KANK1: variants seen among roughly 807,000 people sequenced by gnomAD.
KANK1 encodes the protein KN motif and ankyrin repeat domains 1.
In KANK1, 109 loss-of-function variants were observed where a neutral mutation model predicts 106.2. That is an observed-to-expected ratio of 1.03 (90% CI 0.88 to 1.20). KANK1 has a LOEUF of 1.20. Ranked by LOEUF, KANK1 falls within the 50% of genes most tolerant of loss-of-function variation. KANK1 has a pLI of 0.00. For synonymous variants in KANK1, 873 were observed against 652.2 expected, an observed-to-expected ratio of 1.34 and a Z score of -5.16; for missense variants, 2,399 against 1,710.7, an observed-to-expected ratio of 1.40 and a Z score of -7.10.
intron 8 of KANK1, 91 bp from the exon 9 acceptor site, chr9:740,701 C>G: frequency 7.3e-7 from 1 of 1,374,962 alleles, no homozygotes; most frequent in Non-Finnish European, 1.0e-6. Context: ...TCACTGGGCT[C>G]CTGTAAACAC....
At chr9:551,119 A>G (rs913332519) in intron 1 of KANK1, among the ~76,000 whole-genome samples, 2 of 151,910 alleles carry the variant, frequency 1.3e-5, no homozygotes, top group African/African-American at 4.8e-5. Flanking sequence ...TTAATACAAC[A>G]TGTGTGGCTC....
chr9:585,841 A>C (rs962187202), intron 1 of KANK1, among the ~76,000 whole-genome samples: 9 of 152,210 alleles, frequency 5.9e-5, no homozygotes, highest in African/African-American at 2.2e-4. Context: ...ATCTGATTGA[A>C]TAGAAGACGT....
intron 1 of KANK1, among the ~76,000 whole-genome samples, chr9:631,929 T>C (rs1174962779): frequency 6.6e-6 from 1 of 152,198 alleles, no homozygotes; most frequent in Non-Finnish European, 1.5e-5. Flanking sequence ...TCTATAGCTC[T>C]CAGCTCACAC....
intron 1 of KANK1, among the ~76,000 whole-genome samples, chr9:613,881 A>G (rs956729194): frequency 6.6e-6 from 1 of 152,184 alleles, no homozygotes; most frequent in Non-Finnish European, 1.5e-5. Context: ...AGTACTAAAC[A>G]TGGGTAAAAG....
At chr9:737,478 G>C (rs893084944) in intron 7 of KANK1, among the ~76,000 whole-genome samples, 4 of 152,188 alleles carry the variant, frequency 2.6e-5, no homozygotes, top group African/African-American at 9.6e-5. Flanking sequence ...AGACACTGTA[G>C]TCATCCTCAT....
At chr9:741,550 C>T (rs933172139) in intron 9 of KANK1, among the ~76,000 whole-genome samples, 38 of 147,392 alleles carry the variant, frequency 2.6e-4, no homozygotes, top group Middle Eastern at 7.4e-3. Flanking sequence ...TGCAGTGGTG[C>T]GATCTTGGCT....
At chr9:741,097 C>A (rs542116878) in intron 9 of KANK1, among the ~76,000 whole-genome samples, 163 bp downstream of exon 9, 2 of 152,234 alleles carry the variant, frequency 1.3e-5, no homozygotes, top group African/African-American at 2.4e-5. Flanking sequence ...TCCTTGCTGA[C>A]CAAACATACC....
chr9:529,122 A>C (rs1277349519), intron 1 of KANK1, among the ~76,000 whole-genome samples: 1 of 151,042 alleles, frequency 6.6e-6, no homozygotes, highest in African/African-American at 2.4e-5. Context: ...TAAAAGATGT[A>C]AAAGGTGTAT....
At chr9:482,690 A>G (rs984782846) in intron 3 of KANK1, among the ~76,000 whole-genome samples, 5 of 152,230 alleles carry the variant, frequency 3.3e-5, no homozygotes, top group Admixed American at 6.5e-5. Context: ...TGCACCCTCA[A>G]TGGCACAGAA....
chr9:583,321 T>A (rs1822637083), intron 1 of KANK1, among the ~76,000 whole-genome samples: 1 of 152,212 alleles, frequency 6.6e-6, no homozygotes, highest in South Asian at 2.1e-4. Context: ...AGTAGGTTCA[T>A]CATAAGGACT....
At position 543,519 on chromosome 9, in the gene KANK1, A is replaced by G. The variant is rs376872415; in HGVS notation, c.-84+38765A>G. Among the ~76,000 whole-genome samples the G allele has an allele frequency of 5.3e-5, 8 of 150,796 alleles. No individual in the cohort carries two copies. The South Asian group carries it at 1.1e-3, about 20-fold the overall frequency. ...GGTTGCAGTGAATCAAGATCACACC[A>G]TTGCACTCCAGCCTGGGCAACAAGA... On this transcript the variant is annotated intron_variant, in intron 1 of 11. Transcript: ENST00000382297.
At chr9:562,122 G>C (rs567133208) in intron 1 of KANK1, among the ~76,000 whole-genome samples, 1 of 132,942 alleles carries the variant, frequency 7.5e-6, no homozygotes, top group African/African-American at 2.8e-5. Context: ...GCGCAATCTC[G>C]GCTCACTGCA....
chr9:551,376 G>C (rs1225624077), intron 1 of KANK1, among the ~76,000 whole-genome samples: 1 of 151,998 alleles, frequency 6.6e-6, no homozygotes, highest in Non-Finnish European at 1.5e-5. Context: ...CCCAAATTTT[G>C]AATCTGAAGT....
intron 1 of KANK1, among the ~76,000 whole-genome samples, chr9:528,469 CTTTTTTTTTTTTTT>C (rs36072780): frequency 5.9e-5 from 5 of 85,128 alleles, no homozygotes; most frequent in South Asian, 9.8e-4. Context: ...TAAAAAATAA[CTTTTTTTTTTTTTT>C]TTTTTTTTTT....
At chr9:503,711 G>C (rs1010635005), upstream of KANK1, among the ~76,000 whole-genome samples, 7 of 152,178 alleles carry the variant, frequency 4.6e-5, no homozygotes, top group African/African-American at 1.7e-4. Flanking sequence ...TTTTTATAAA[G>C]TCGTCCCTTC....
At chr9:640,311 C>T (rs1838119441) in intron 1 of KANK1, among the ~76,000 whole-genome samples, 1 of 151,726 alleles carries the variant, frequency 6.6e-6, no homozygotes, top group South Asian at 2.1e-4. Flanking sequence ...TCTCGGCTCT[C>T]TGCAGCCTCC....
chr9:635,497 G>T (rs543018896), intron 1 of KANK1, among the ~76,000 whole-genome samples: 1 of 151,332 alleles, frequency 6.6e-6, no homozygotes, highest in Non-Finnish European at 1.5e-5. Flanking sequence ...CTAATACCAC[G>T]CACAGATGGA....
rs10975356 is a variant in KANK1, at chr9:602,414, C to T, written c.-83-74476C>T. ...AGCTGGGACTACAGGCATGCACCAC[C>T]ATGCCCAGCTAATTTTTGTATTTTT... is the stretch of plus-strand genomic sequence containing the variant. On this transcript the variant is annotated intron_variant, in intron 1 of 11. Coordinates refer to ENST00000382297, the MANE Select transcript of KANK1 (RefSeq NM_015158.5). 4.2e-3 allele frequency among the ~76,000 whole-genome samples: 638 copies of T among 151,748 alleles called. 2 individuals carry two copies. The highest frequency in any genetic ancestry group is 6.6e-3 in the Non-Finnish European group (451 of 68,014).
upstream of KANK1, among the ~76,000 whole-genome samples, chr9:502,127 C>T (rs554287755): frequency 6.6e-6 from 1 of 152,198 alleles, no homozygotes; most frequent in South Asian, 2.1e-4. Context: ...TTATATGCAA[C>T]GTCCAGAATC....
Sources: allele counts gnomAD v4.1 joint callset (sites outside exome capture counted in the v4.1 genomes callset), GRCh38; gene constraint gnomAD v4.1.1; transcripts MANE v1.5; gene names NCBI Gene and HGNC (gene_info 2026-07-23, HGNC 2026-07-21).